The following XAGE5 variants were observed in gnomAD, a reference collection of about 807,000 sequenced individuals.
XAGE5 encodes X antigen family member 5, also known as G antigen, family D, 5.
In XAGE5, 13 loss-of-function variants were observed where a neutral mutation model predicts 13.1. The ratio of observed to expected loss-of-function variants is 0.99; its 90% confidence interval spans 0.64 to 1.57. The LOEUF (loss-of-function observed/expected upper bound fraction) is 1.57. Ranked by LOEUF, XAGE5 falls within the 40% of genes most tolerant of loss-of-function variation. The pLI is 0.00. For missense variants in XAGE5, 86 were observed against 77.6 expected, an observed-to-expected ratio of 1.11 and a Z score of -0.41; for synonymous variants, 17 against 25.0, an observed-to-expected ratio of 0.68 and a Z score of 0.96.
At chrX:52,815,258 A>C (rs782472202) in intron 5 of XAGE5, 41 bp downstream of exon 5, 7 of 1,145,164 alleles carry the variant, frequency 6.1e-6, no homozygotes, top group Non-Finnish European at 8.2e-6. Flanking sequence ...TGCTTTCTGT[A>C]TTACACAATA....
At chrX:52,812,700 G>A in intron 3 of XAGE5, 62 bp downstream of exon 3, 1 of 1,011,537 alleles carries the variant, frequency 9.9e-7, no homozygotes, top group East Asian at 3.0e-5. Flanking sequence ...GGTAGTTATT[G>A]TTGAACTAGT....
intron 4 of XAGE5, among the ~76,000 whole-genome samples, chrX:52,813,685 G>A (rs1926848452): frequency 1.8e-5 from 2 of 111,393 alleles, no homozygotes; most frequent in Admixed American, 1.9e-4. Flanking sequence ...CATTTGCAAA[G>A]GGATGTTAAC....
Position 52,814,675 on chromosome X carries a change from C to T in XAGE5, c.179-417C>T, listed in dbSNP as rs781954785. On this transcript the variant is annotated intron_variant, in intron 4 of 5. Transcript: ENST00000375501. ...ATGTATGGAAAGTCACATATAGGGC[C>T]TTTCAACCTAAGAATTACTTTAATA... 9.0e-5 allele frequency among the ~76,000 whole-genome samples: 10 copies of T among 111,705 alleles called. No homozygotes were observed. The East Asian group carries it at 2.8e-3, about 31-fold the overall frequency.
intron 2 of XAGE5, among the ~76,000 whole-genome samples, 156 bp downstream of exon 2, chrX:52,811,875 G>A (rs888117702): frequency 3.6e-5 from 4 of 111,126 alleles, no homozygotes; most frequent in Admixed American, 9.6e-5. Context: ...TGGGTGGAAG[G>A]GGCTATGCAT....
At chrX:52,812,090 A>G (rs1353034628) in intron 2 of XAGE5, 1 of 114,355 alleles carries the variant, frequency 8.7e-6, no homozygotes, top group Non-Finnish European at 1.8e-5. Flanking sequence ...CTTGACGAAC[A>G]TAAGTGGCTG....
At chrX:52,816,428 G>A (rs1343548192) in intron 5 of XAGE5, among the ~76,000 whole-genome samples, 1 of 112,216 alleles carries the variant, frequency 8.9e-6, no homozygotes, top group Non-Finnish European at 1.9e-5. Context: ...AGATGCCTGC[G>A]CTAAGCATGC....
rs782456918 is a variant in XAGE5 at position 52,813,211 on chromosome X, G to A, written c.144G>A (p.Lys48=). ...GTCAGGATCATACACCTGGTCAGAA[G>A]AGAGAAGATGATCAGGGTGCAGCTG... is the stretch of plus-strand genomic sequence containing the variant. The part of the protein sequence containing the change: ...TESQDHTPGQ[K]REDDQGAAEI... Residue 48 remains lysine (K), a synonymous_variant, in exon 4 of 6, where the codon AAG becomes AAA. Transcript: ENST00000375501. 18 of 1,208,917 alleles carry A rather than the reference G, an allele frequency of 1.5e-5. No individual in the cohort carries two copies. In the Admixed American group the frequency reaches 3.7e-4, roughly 25 times the overall value.
At position 52,813,158 on chromosome X, in the gene XAGE5, C is replaced by T. The variant is rs782206179; in HGVS notation, c.91C>T (p.Pro31Ser). The change falls in exon 4 of 6, where the codon CCT becomes TCT. Residue 31 changes from proline to serine, a missense_variant. Transcript: ENST00000375501. ...GTCCCAGGAGCCCAGTGTGCCAGAGCCTCAACAAGAAGAACCACCAACTGA... is the reference window on the plus strand; with the variant it reads ...GTCCCAGGAGCCCAGTGTGCCAGAGTCTCAACAAGAAGAACCACCAACTGA... ...GPMLEPSVPE[P>S]QQEEPPTESQ... The T allele has an allele frequency of 1.1e-5, 13 of 1,208,579 alleles. 1 individual carries two copies. The African/African-American group carries it at 1.9e-4, about 18-fold the overall frequency.
intron 5 of XAGE5, among the ~76,000 whole-genome samples, chrX:52,816,309 A>G (rs1157040290): frequency 8.9e-6 from 1 of 112,320 alleles, no homozygotes; most frequent in Non-Finnish European, 1.9e-5. Flanking sequence ...CCATTCCCGC[A>G]GTGAAGCCTT....
chrX:52,816,222 G>A (rs781822978), intron 5 of XAGE5, among the ~76,000 whole-genome samples: 12 of 112,289 alleles, frequency 1.1e-4, no homozygotes, highest in Non-Finnish European at 2.1e-4. Flanking sequence ...GGGATTACAG[G>A]TGTGAACCAC....
rs782610123 is a variant in XAGE5, at chrX:52,811,495, TGTC to T, written c.-180-46_-180-44del. On this transcript the variant is annotated intron_variant, in intron 1 of 5. Transcript: ENST00000375501. ...TGACTCCGAGTGAGAAGGGCCTTGA[TGTC>T]GTCGTCCTTCTCGTGCGGCCCCGCA... Among the ~76,000 whole-genome samples, 4 of 111,467 alleles carry T rather than the reference TGTC, an allele frequency of 3.6e-5. 1 individual carries two copies. The highest frequency in any genetic ancestry group is 2.9e-4 in the Admixed American group (3 of 10,505).
intron 4 of XAGE5, among the ~76,000 whole-genome samples, chrX:52,813,616 C>T (rs1487986389): frequency 9.0e-6 from 1 of 111,608 alleles, no homozygotes; most frequent in Non-Finnish European, 1.9e-5. Flanking sequence ...GTTGTAAGCA[C>T]CCTTTGATAG....
At chrX:52,815,873 C>A (rs1463049289) in intron 5 of XAGE5, among the ~76,000 whole-genome samples, 1 of 112,467 alleles carries the variant, frequency 8.9e-6, no homozygotes, top group Non-Finnish European at 1.9e-5. Flanking sequence ...AGGAGACCTT[C>A]ATGAGTGTTC....
rs187984341 is a variant in XAGE5, at chrX:52,812,277, G to A, written c.-8-282G>A. On this transcript the variant is annotated intron_variant, in intron 2 of 5. Transcript: ENST00000375501. The stretch of plus-strand genomic sequence containing the variant: ...AATATTCTGGTTTTTGCTTTGGTTT[G>A]GTTTGGCTTTTTTGAGACAGAGTTT... 7 of 266,266 alleles carry A rather than the reference G, an allele frequency of 2.6e-5. No homozygotes were observed. In the Admixed American group the frequency reaches 4.2e-4, roughly 16 times the overall value. 21.9% of individuals were successfully genotyped at this position (266,266 alleles called of 1,213,427 possible). A position where few individuals can be genotyped will look rare whatever the true frequency, so the allele number is the denominator to read the frequency against.
Position 52,811,655 on chromosome X carries a change from G to C in XAGE5, c.-73G>C, listed in dbSNP as rs781996894. ...GGTATTCCAGTCCCAGAAACGCCTG[G>C]AACTCCCAACAGAGGACAAATTCCA... On this transcript the variant is annotated 5_prime_UTR_variant, in exon 2 of 6. Coordinates refer to ENST00000375501, the MANE Select transcript of XAGE5 (RefSeq NM_001386970.1). 3.2e-4 allele frequency among the ~76,000 whole-genome samples: 35 copies of C among 110,538 alleles called. No homozygotes were observed. The highest frequency in any genetic ancestry group is 1.1e-3 in the African/African-American group (33 of 30,318).
At chrX:52,817,419 A>G (rs782659315) in intron 5 of XAGE5, among the ~76,000 whole-genome samples, 28 of 112,011 alleles carry the variant, frequency 2.5e-4, no homozygotes, top group Admixed American at 1.1e-3. Context: ...TTCACATTTT[A>G]ATATCAATCA....
chrX:52,816,849 A>G (rs781941577), intron 5 of XAGE5, among the ~76,000 whole-genome samples: 34 of 112,163 alleles, frequency 3.0e-4, no homozygotes, highest in Non-Finnish European at 4.1e-4. Context: ...TCTTATTAAA[A>G]TAGATAACAA....
At chrX:52,814,780 T>C (rs1926872598) in intron 4 of XAGE5, 3 of 221,719 alleles carry the variant, frequency 1.4e-5, no homozygotes, top group South Asian at 7.2e-5. Flanking sequence ...AGCTCACCAA[T>C]ACATTGATCT....
intron 2 of XAGE5, chrX:52,812,343 G>A (rs185067974): frequency 3.2e-4 from 114 of 356,759 alleles, no homozygotes; most frequent in Non-Finnish European, 4.7e-4. Flanking sequence ...GTGCAATCTC[G>A]GCTGGCTGCA....
Sources: allele counts gnomAD v4.1 joint callset (sites outside exome capture counted in the v4.1 genomes callset), GRCh38; gene constraint gnomAD v4.1.1; transcripts MANE v1.5; gene names NCBI Gene and HGNC (gene_info 2026-07-23, HGNC 2026-07-21).